Variants in ARHGAP28 observed in about 807,000 individuals in gnomAD.
The protein encoded by ARHGAP28 is Rho GTPase activating protein 28, also known as rho GTPase-activating protein 28.
Under a neutral mutation model 90.7 loss-of-function variants are expected in ARHGAP28, and 56 were observed. The observed-to-expected ratio is 0.62, with a 90% CI of 0.50 to 0.77. The LOEUF is 0.77. Ranked by LOEUF, ARHGAP28 falls within the 30% of genes least tolerant of loss-of-function variation. The pLI is 0.00. For missense variants in ARHGAP28, 869 were observed against 900.9 expected, an observed-to-expected ratio of 0.96 and a Z score of 0.45; for synonymous variants, 308 against 323.3, an observed-to-expected ratio of 0.95 and a Z score of 0.51.
intron 5 of ARHGAP28, among the ~76,000 whole-genome samples, chr18:6,867,330 G>C (rs968737875): frequency 1.3e-5 from 2 of 152,126 alleles, no homozygotes; most frequent in South Asian, 4.1e-4. Context: ...CAGGCTCTGG[G>C]GGAAAACATT....
intron 1 of ARHGAP28, among the ~76,000 whole-genome samples, chr18:6,814,445 A>G (rs1040497796): frequency 2.2e-4 from 33 of 152,312 alleles, no homozygotes; most frequent in Admixed American, 1.1e-3. Context: ...GGAAACTGAA[A>G]AGCAATACGA....
rs77779793 is a variant in ARHGAP28 at position 6,783,239 on chromosome 18, G to A, written c.123-41523G>A. On this transcript the variant is annotated intron_variant, in intron 1 of 17. Transcript: ENST00000383472. ...ACCTATAGAAATAAACAGACTCACT[G>A]CAGTTTTTTTTCCATGTCGCCCCCC... is the stretch of plus-strand genomic sequence containing the variant. 8.0e-3 allele frequency among the ~76,000 whole-genome samples: 1,220 copies of A among 151,816 alleles called. 11 individuals are homozygous for A. The highest frequency in any genetic ancestry group is 0.028 in the African/African-American group (1,145 of 41,372).
Position 6,895,018 on chromosome 18 carries a change from C to T in ARHGAP28, c.1905+127C>T, listed in dbSNP as rs112584725. 302 of 954,810 alleles carry T rather than the reference C, an allele frequency of 3.2e-4. 1 individual carries two copies. In the African/African-American group the frequency reaches 4.3e-3, roughly 14 times the overall value. 59.1% of individuals were successfully genotyped at this position (954,810 alleles called of 1,614,324 possible). The stretch of plus-strand genomic sequence containing the variant: ...CAAACTTGACATTTTCAATGTGGCA[C>T]ATAAAGGAATGGTAGAGGGACCTGA... On this transcript the variant is annotated intron_variant, in intron 15 of 17. Transcript: ENST00000383472.
chr18:6,763,637 C>T (rs761418987), intron 1 of ARHGAP28, among the ~76,000 whole-genome samples: 3 of 152,194 alleles, frequency 2.0e-5, no homozygotes, highest in Non-Finnish European at 2.9e-5. Context: ...ACAAAGCCTA[C>T]GTCTGGAATT....
In ARHGAP28 at chr18:6,827,614, C is replaced by T. The variant is rs540157980; in HGVS notation, c.325+2650C>T. On this transcript the variant is annotated intron_variant, in intron 2 of 17. Coordinates refer to ENST00000383472, the MANE Select transcript of ARHGAP28 (RefSeq NM_001366230.1). ...GGCTGACCCCCACCTCCCTCCGAGA[C>T]GGGGCGGCTGGCCGGCAGGGGGGCT... is the stretch of plus-strand genomic sequence containing the variant. Among the ~76,000 whole-genome samples, 198 of 128,814 alleles carry T rather than the reference C, an allele frequency of 1.5e-3. 1 individual carries two copies. Among genetic ancestry groups the T allele is most frequent in the African/African-American group, 4.7e-3 (155 of 32,966 alleles). 84.5% of individuals were successfully genotyped at this position (128,814 alleles called of 152,430 possible).
At chr18:6,872,980 C>T (rs1484572192) in intron 7 of ARHGAP28, among the ~76,000 whole-genome samples, 1 of 152,002 alleles carries the variant, frequency 6.6e-6, no homozygotes, top group Non-Finnish European at 1.5e-5. Flanking sequence ...TAAAGATTGA[C>T]TGCCCAAGAA....
At chr18:6,852,430 T>G (rs1327720853) in intron 4 of ARHGAP28, among the ~76,000 whole-genome samples, 1 of 152,246 alleles carries the variant, frequency 6.6e-6, no homozygotes, top group Non-Finnish European at 1.5e-5. Context: ...TAGCTATACT[T>G]GCTTGCTATT....
intron 1 of ARHGAP28, among the ~76,000 whole-genome samples, chr18:6,808,340 G>GT (rs2056533603): frequency 1.3e-5 from 2 of 151,884 alleles, no homozygotes; most frequent in Non-Finnish European, 2.9e-5. Context: ...AGCTTTAAAG[G>GT]TTTTGAGTAT....
In ARHGAP28 at chr18:6,875,050, C is replaced by G. The variant is rs550648333; in HGVS notation, c.1213-1081C>G. The G allele has an allele frequency of 5.3e-5, 8 of 152,322 alleles. No homozygotes were observed. The South Asian group carries it at 1.7e-3, about 32-fold the overall frequency. The allele number at this position is 152,322 out of a possible 1,614,324, so 9.4% of individuals were successfully genotyped here. A position where few individuals can be genotyped will look rare whatever the true frequency, so the allele number is the denominator to read the frequency against. ...TTCATTGAGTTGAAACCAGCATTGTCTTTGTCCTGTATGTAAAGGACAGAG... is the reference window on the plus strand; with the variant it reads ...TTCATTGAGTTGAAACCAGCATTGTGTTTGTCCTGTATGTAAAGGACAGAG... On this transcript the variant is annotated intron_variant, in intron 9 of 17. Transcript: ENST00000383472.
chr18:6,794,803 C>A (rs1469978745), intron 1 of ARHGAP28, among the ~76,000 whole-genome samples: 1 of 152,104 alleles, frequency 6.6e-6, no homozygotes, highest in African/African-American at 2.4e-5. Flanking sequence ...TTACCTCAAC[C>A]TCCAAAATAG....
intron 4 of ARHGAP28, among the ~76,000 whole-genome samples, chr18:6,858,310 C>T (rs1381779557): frequency 6.6e-6 from 1 of 152,056 alleles, no homozygotes; most frequent in Non-Finnish European, 1.5e-5. Flanking sequence ...TTTTTCTCTT[C>T]CCTTCCTAGA....
In ARHGAP28 at chr18:6,858,808, A is replaced by C. The variant is rs185834272; in HGVS notation, c.637-1000A>C. On this transcript the variant is annotated intron_variant, in intron 4 of 17. Coordinates refer to ENST00000383472, the MANE Select transcript of ARHGAP28 (RefSeq NM_001366230.1). Reference sequence around the variant, plus strand: ...CCAAAGTGCTGGGATTACAGGCGTGAGCCACCATGCCCAGCTGACTTAAAT... The same window carrying C: ...CCAAAGTGCTGGGATTACAGGCGTGCGCCACCATGCCCAGCTGACTTAAAT... Among the ~76,000 whole-genome samples, 254 of 152,018 alleles carry C rather than the reference A, an allele frequency of 1.7e-3. 1 individual carries two copies. Among genetic ancestry groups the C allele is most frequent in the African/African-American group, 6.0e-3 (247 of 41,418 alleles).
In ARHGAP28 at chr18:6,824,781, C is replaced by T. The variant is rs940332268; in HGVS notation, c.142C>T (p.Arg48Ter). Reference sequence around the variant, plus strand: ...CCTCAGAAAATCCATTCCTCGCTGCCGAAGAATTAACAGGATGCTCTCCAA... The same window carrying T: ...CCTCAGAAAATCCATTCCTCGCTGCTGAAGAATTAACAGGATGCTCTCCAA... ...PLSRKSIPRC[R>*]RINRMLSNES... The change falls in exon 2 of 18, where the codon CGA becomes TGA. Residue 48 changes from arginine (R) to a stop codon, truncating the protein, a stop_gained. Transcript: ENST00000383472. LOFTEE classifies it high-confidence loss of function. 68 of 1,535,264 alleles carry T rather than the reference C, an allele frequency of 4.4e-5. No homozygotes were observed. Among genetic ancestry groups the T allele is most frequent in the Admixed American group, 3.7e-4 (19 of 50,808 alleles).
intron 17 of ARHGAP28, 33 bp from the exon 18 acceptor site, chr18:6,912,027 A>G (rs1346755007): frequency 7.0e-7 from 1 of 1,428,428 alleles, no homozygotes; most frequent in Non-Finnish European, 9.8e-7. Flanking sequence ...ACACAAATGT[A>G]CACTAATTCT....
At chr18:6,842,532 C>A (rs2056835234) in intron 3 of ARHGAP28, among the ~76,000 whole-genome samples, 1 of 152,182 alleles carries the variant, frequency 6.6e-6, no homozygotes, top group African/African-American at 2.4e-5. Flanking sequence ...ATTTCAAGTT[C>A]TCTTCTTTTC....
At chr18:6,778,729 C>T (rs1173277508) in intron 1 of ARHGAP28, among the ~76,000 whole-genome samples, 2 of 152,212 alleles carry the variant, frequency 1.3e-5, no homozygotes, top group Non-Finnish European at 2.9e-5. Context: ...AGCATTAGTG[C>T]ATCTTGATTA....
intron 1 of ARHGAP28, among the ~76,000 whole-genome samples, chr18:6,784,962 C>T (rs572081979): frequency 2.6e-5 from 4 of 152,188 alleles, no homozygotes; most frequent in Non-Finnish European, 2.9e-5. Context: ...AGCTCCTGAG[C>T]AGCAAATGCC....
intron 1 of ARHGAP28, among the ~76,000 whole-genome samples, chr18:6,778,706 C>T (rs567601209): frequency 2.6e-4 from 40 of 152,322 alleles, no homozygotes; most frequent in South Asian, 1.0e-3. Context: ...GGGAGTGCTA[C>T]GTGTGACTAA....
rs116165403 is a variant in ARHGAP28 at position 6,746,224 on chromosome 18, G to A, written c.122+16281G>A. Among the ~76,000 whole-genome samples the A allele has an allele frequency of 3.8e-3, 575 of 152,248 alleles. 4 individuals are homozygous for A. The highest frequency in any genetic ancestry group is 0.014 in the Middle Eastern group (4 of 294). The stretch of plus-strand genomic sequence containing the variant: ...AGACTCCAGGTCTCATTCAGAGAAC[G>A]GAATGTTCTTTAGGCAGGAAGTCAC... On this transcript the variant is annotated intron_variant, in intron 1 of 17. Transcript: ENST00000383472.
Sources: allele counts gnomAD v4.1 joint callset (sites outside exome capture counted in the v4.1 genomes callset), GRCh38; gene constraint gnomAD v4.1.1; transcripts MANE v1.5; gene names NCBI Gene and HGNC (gene_info 2026-07-23, HGNC 2026-07-21).